ASL: variants seen among roughly 807,000 people sequenced by gnomAD.
The protein encoded by ASL is argininosuccinate lyase.
ASL carries 51 observed loss-of-function variants against 69.1 expected under a neutral mutation model. The ratio of observed to expected loss-of-function variants is 0.74; its 90% CI spans 0.59 to 0.93. ASL has a LOEUF of 0.93. ASL is among the 40% of genes least tolerant of loss of function. The probability of loss-of-function intolerance (pLI) is 0.00; values close to 1 mark genes in which losing one functional copy is unlikely to be tolerated. For missense variants in ASL, 540 were observed against 623.9 expected (o/e 0.87, Z 1.43); for synonymous variants, 241 against 247.6 (o/e 0.97, Z 0.25).
intron 8 of ASL, 128 bp downstream of exon 8, chr7:66,086,949 A>G: frequency 9.2e-7 from 1 of 1,090,876 alleles, no homozygotes; most frequent in Non-Finnish European, 1.3e-6. Flanking sequence ...GGGACTCTGC[A>G]TGGAGCCCCA....
intron 10 of ASL, among the ~76,000 whole-genome samples, chr7:66,088,563 T>C (rs935457417): frequency 2.0e-5 from 3 of 151,928 alleles, no homozygotes; most frequent in Non-Finnish European, 4.4e-5. Context: ...ACAACAACAA[T>C]AACAAAAAAC....
chr7:66,089,284 G>T lies in ASL; in HGVS notation c.927G>T (p.Gly309=), dbSNP rs151294789. The T allele has an allele frequency of 2.9e-4, 463 of 1,610,572 alleles. 1 individual carries two copies. In the African/African-American group the frequency reaches 5.5e-3, roughly 19 times the overall value. The change falls in exon 13 of 17, where the codon GGG becomes GGT. Residue 309 remains glycine (G), a synonymous_variant. Coordinates refer to ENST00000304874, the MANE Select transcript of ASL (RefSeq NM_000048.4). The stretch of plus-strand genomic sequence containing the variant: ...CCTCCCTCTTCCCGCAGTGTGCCGG[G>T]CTCCTGATGACCCTCAAGGGACTTC... ...KAGRVFGRCA[G]LLMTLKGLPS...
intron 7 of ASL, 37 bp from the exon 8 acceptor site, chr7:66,086,707 C>T (rs769862309): frequency 1.5e-5 from 24 of 1,611,054 alleles, no homozygotes; most frequent in Middle Eastern, 1.6e-4. Context: ...GGGAGGACCC[C>T]GGCTGCCCTG....
At chr7:66,084,864 C>A (rs1584025456) in intron 6 of ASL, among the ~76,000 whole-genome samples, 2 of 152,094 alleles carry the variant, frequency 1.3e-5, no homozygotes, top group Admixed American at 1.3e-4. Context: ...CATGATCCAC[C>A]CACCTCGGAC....
rs1786856818 is a variant in ASL at position 66,091,997 on chromosome 7, T to C, written c.1063-9T>C. The stretch of plus-strand genomic sequence containing the variant: ...CCAGGGCTCACCACTCGCCCACCTG[T>C]GCCCCCAGATTCACCAAGAGAACAT... On this transcript the variant is annotated splice_polypyrimidine_tract_variant and intron_variant, in intron 14 of 16. Transcript: ENST00000304874. 2 of 1,613,408 alleles carry C rather than the reference T, an allele frequency of 1.2e-6. No individual in the cohort carries two copies. Among genetic ancestry groups the C allele is most frequent in the Non-Finnish European group, 1.7e-6 (2 of 1,179,998 alleles).
chr7:66,080,996 A>T (rs535933442), intron 2 of ASL, among the ~76,000 whole-genome samples: 1 of 152,344 alleles, frequency 6.6e-6, no homozygotes, highest in South Asian at 2.1e-4. Context: ...AGCCAAGTCC[A>T]GAAGCCCTGG....
intron 2 of ASL, among the ~76,000 whole-genome samples, chr7:66,079,491 A>G (rs1786441634): frequency 6.6e-6 from 1 of 152,188 alleles, no homozygotes; most frequent in African/African-American, 2.4e-5. Context: ...GCCTAGGCTC[A>G]TGCCTATAAT....
Position 66,093,168 on chromosome 7 carries a change from A to C in ASL, c.*256A>C. 3.5e-6 allele frequency: 2 copies of C among 569,738 alleles called. No homozygotes were observed. Among genetic ancestry groups the C allele is most frequent in the Non-Finnish European group, 6.2e-6 (2 of 320,960 alleles). 35.3% of individuals were successfully genotyped at this position (569,738 alleles called of 1,614,324 possible). On this transcript the variant is annotated 3_prime_UTR_variant, in exon 17 of 17. Transcript: ENST00000304874. The stretch of plus-strand genomic sequence containing the variant: ...CCATCTCTACTCAATAATAAAACAA[A>C]TAGCCTGGCGTGGTGGCCCATGCAT...
chr7:66,086,488 A>G lies in ASL; in HGVS notation c.447-97A>G, dbSNP rs1014785142. ...TTCAGGTGGAGTGCTGCAGCGTGAC[A>G]CTTTTTCCAGGGGTGACCCAGGCCT... On this transcript the variant is annotated intron_variant, in intron 6 of 16. Transcript: ENST00000304874. 9.8e-6 allele frequency: 13 copies of G among 1,333,070 alleles called. No homozygotes were observed. In the African/African-American group the frequency reaches 1.4e-4, roughly 15 times the overall value. The allele number at this position is 1,333,070 out of a possible 1,614,324, so 82.6% of individuals were successfully genotyped here.
In ASL at chr7:66,075,835, CTA is replaced by C. The variant is rs1786328347; in HGVS notation, c.-63_-62del. ...GCCCTGGCCAGTGGCGGGCGCGACA[CTA>C]TCCGTGCGGCCAGGCGGAGGTGAGT... is the stretch of plus-strand genomic sequence containing the variant. On this transcript the variant is annotated 5_prime_UTR_variant, in exon 1 of 17. Coordinates refer to ENST00000304874, the MANE Select transcript of ASL (RefSeq NM_000048.4). 3.9e-6 allele frequency: 2 copies of C among 517,672 alleles called. No individual in the cohort carries two copies. Among genetic ancestry groups the C allele is most frequent in the Middle Eastern group, 5.2e-4 (1 of 1,908 alleles). The allele number at this position is 517,672 out of a possible 1,614,324, so 32.1% of individuals were successfully genotyped here.
rs781673231 is a variant in ASL at position 66,089,604 on chromosome 7, C to T, written c.979-8C>T. ...CTAGGCCCTCACCTCCTGCCATGTG[C>T]CTCCCAGGAGGACAAGGAAGCTGTG... On this transcript the variant is annotated splice_region_variant and splice_polypyrimidine_tract_variant and intron_variant, in intron 13 of 16. Coordinates refer to ENST00000304874, the MANE Select transcript of ASL (RefSeq NM_000048.4). 7 of 1,613,440 alleles carry T rather than the reference C, an allele frequency of 4.3e-6. No individual in the cohort carries two copies. In the Admixed American group the frequency reaches 5.0e-5, roughly 12 times the overall value.
chr7:66,083,303 A>C (rs1786565638), intron 6 of ASL, 129 bp downstream of exon 6: 2 of 1,008,862 alleles, frequency 2.0e-6, no homozygotes, highest in South Asian at 2.9e-5. Context: ...CCAGAACTCC[A>C]GGATCGAGGC....
At chr7:66,086,859 G>T (rs1786679865) in intron 8 of ASL, 38 bp downstream of exon 8, 3 of 1,547,142 alleles carry the variant, frequency 1.9e-6, no homozygotes, top group African/African-American at 1.4e-5. Context: ...CCTGGTGGGG[G>T]TGGCTGCTGC....
chr7:66,091,950 G>A (rs1052982129), intron 14 of ASL, 56 bp from the exon 15 acceptor site: 7 of 1,596,176 alleles, frequency 4.4e-6, no homozygotes, highest in Non-Finnish European at 2.6e-6. Context: ...CCTGGGCCTG[G>A]CAGCTTCAGA....
At chr7:66,077,092 G>A (rs763646916) in intron 2 of ASL, among the ~76,000 whole-genome samples, 8 of 152,126 alleles carry the variant, frequency 5.3e-5, no homozygotes, top group African/African-American at 9.7e-5. Context: ...ATAAAAGGCC[G>A]TAATAACATA....
At chr7:66,082,834 C>G (rs1786547199) in intron 4 of ASL, 46 bp from the exon 5 acceptor site, 2 of 1,611,530 alleles carry the variant, frequency 1.2e-6, no homozygotes, top group African/African-American at 1.3e-5. Flanking sequence ...TGGGTTGACT[C>G]CTCTGGGGGT....
intron 2 of ASL, among the ~76,000 whole-genome samples, chr7:66,078,172 G>A (rs187124205): frequency 1.1e-4 from 17 of 152,334 alleles, no homozygotes; most frequent in African/African-American, 3.8e-4. Flanking sequence ...CCCGCTGGGG[G>A]AGGCGGTGCC....
rs746685247 is a variant in ASL, at chr7:66,082,954, C to G, written c.348+18C>G. The G allele has an allele frequency of 5.6e-6, 9 of 1,612,980 alleles. No homozygotes were observed. Among genetic ancestry groups the G allele is most frequent in the Non-Finnish European group, 7.6e-6 (9 of 1,179,740 alleles). ...ATGACCAGGTGCTTTAGCCCCTCCACCCCCTGCTCCGTGTTGTCCCAACCT... is the reference window on the plus strand; with the variant it reads ...ATGACCAGGTGCTTTAGCCCCTCCAGCCCCTGCTCCGTGTTGTCCCAACCT... On this transcript the variant is annotated intron_variant, in intron 5 of 16. Coordinates refer to ENST00000304874, the MANE Select transcript of ASL (RefSeq NM_000048.4).
At position 66,082,386 on chromosome 7, in the gene ASL, C is replaced by T. The variant is rs373966403; in HGVS notation, c.226C>T (p.Gln76Ter). ...ACTACAGGTGGCTGAGGAGTGGGCC[C>T]AGGGCACCTTCAAACTGAACTCCAA... is the stretch of plus-strand genomic sequence containing the variant. ...GLDKVAEEWA[Q>*]GTFKLNSNDE... The change falls in exon 4 of 17, where the codon CAG becomes TAG. Residue 76 changes from glutamine (Q) to a stop codon, truncating the protein, a stop_gained. Coordinates refer to ENST00000304874, the MANE Select transcript of ASL (RefSeq NM_000048.4). LOFTEE classifies it high-confidence loss of function. 6.2e-7 allele frequency: 1 copy of T among 1,612,540 alleles called. No individual in the cohort carries two copies. Among genetic ancestry groups the T allele is most frequent in the East Asian group, 2.2e-5 (1 of 44,838 alleles).
Sources: allele counts gnomAD v4.1 joint callset (sites outside exome capture counted in the v4.1 genomes callset), GRCh38; gene constraint gnomAD v4.1.1; transcripts MANE v1.5; gene names NCBI Gene and HGNC (gene_info 2026-07-23, HGNC 2026-07-21).